ACACB: variants seen among roughly 807,000 people sequenced by gnomAD.
ACACB encodes acetyl-CoA carboxylase 2.
In ACACB, 209 loss-of-function variants were observed where a neutral mutation model predicts 278.8. The ratio of observed to expected loss-of-function variants is 0.75; its 90% confidence interval spans 0.67 to 0.84. ACACB has a LOEUF of 0.84. Among genes scored for constraint, ACACB ranks in the 40% least tolerant of loss-of-function variants. The pLI is 0.00. For missense variants in ACACB, 2,850 were observed against 3,269.0 expected (o/e 0.87, Z 3.13); for synonymous variants, 1,174 against 1,285.6 (o/e 0.91, Z 1.86).
At chr12:109,158,162 A>G (rs2043603738) in intron 2 of ACACB, among the ~76,000 whole-genome samples, 1 of 152,188 alleles carries the variant, frequency 6.6e-6, no homozygotes, top group African/African-American at 2.4e-5. Context: ...GCAGACTGCT[A>G]TTATAAACGG....
At chr12:109,129,210 G>A (rs540816878) in intron 1 of ACACB, among the ~76,000 whole-genome samples, 86 of 152,316 alleles carry the variant, frequency 5.6e-4, no homozygotes, top group Non-Finnish European at 3.2e-4. Context: ...CTTTTCTAGA[G>A]TTTGTGGACA....
intron 2 of ACACB, among the ~76,000 whole-genome samples, chr12:109,165,288 G>A (rs1292801962): frequency 3.9e-5 from 6 of 152,088 alleles, no homozygotes; most frequent in East Asian, 1.9e-4. Flanking sequence ...CAGTACCTAC[G>A]GAAGGAGAAC....
At chr12:109,223,053 A>G in intron 26 of ACACB, 141 bp downstream of exon 26, 3 of 714,594 alleles carry the variant, frequency 4.2e-6, no homozygotes. Context: ...AGTTCAGCCC[A>G]ATGTGGCCAG....
At chr12:109,158,693 G>C (rs142842455) in intron 2 of ACACB, among the ~76,000 whole-genome samples, 10 of 152,238 alleles carry the variant, frequency 6.6e-5, no homozygotes, top group African/African-American at 2.4e-4. Flanking sequence ...AACAAATAAG[G>C]CTGGGTGCGG....
intron 18 of ACACB, among the ~76,000 whole-genome samples, chr12:109,200,230 C>T (rs1162267835): frequency 6.6e-6 from 1 of 151,822 alleles, no homozygotes; most frequent in African/African-American, 2.4e-5. Context: ...GTCACCCGGG[C>T]TGGAGTGTAG....
At chr12:109,248,104 T>C (rs16940082) in intron 40 of ACACB, among the ~76,000 whole-genome samples, 4,153 of 152,296 alleles carry the variant, frequency 0.027, 185 homozygotes, top group African/African-American at 0.095. Flanking sequence ...GGACAAGTTA[T>C]GTTTTTCTCA....
At position 109,176,203 on chromosome 12, in the gene ACACB, C is replaced by T. The variant is rs772322096; in HGVS notation, c.1377C>T (p.Gly459=). The T allele has an allele frequency of 2.5e-6, 4 of 1,614,132 alleles. No individual in the cohort carries two copies. Among genetic ancestry groups the T allele is most frequent in the South Asian group, 1.1e-5 (1 of 91,084 alleles). ...FPLMIKASEG[G]GGKGIRKAES... ...TGATGATCAAAGCTTCTGAAGGTGG[C>T]GGAGGGAAGGGAATCCGGAAGGCTG... is the stretch of plus-strand genomic sequence containing the variant. The change falls in exon 9 of 53, where the codon GGC becomes GGT. Residue 459 remains glycine (G), a synonymous_variant. Coordinates refer to ENST00000338432, the MANE Select transcript of ACACB (RefSeq NM_001093.4).
intron 21 of ACACB, among the ~76,000 whole-genome samples, chr12:109,210,442 C>A (rs1371331501): frequency 8.4e-6 from 1 of 119,436 alleles, no homozygotes; most frequent in Non-Finnish European, 1.7e-5. Flanking sequence ...CACGCACATA[C>A]ATGTGTATAT....
chr12:109,124,008 A>G (rs1350474825), intron 1 of ACACB, among the ~76,000 whole-genome samples: 5 of 152,008 alleles, frequency 3.3e-5, no homozygotes, highest in East Asian at 1.9e-4. Context: ...TTTTCAAGCA[A>G]TTCTCACAGC....
At chr12:109,227,302 T>G (rs2046340831) in intron 27 of ACACB, 69 bp from the exon 28 acceptor site, 1 of 1,361,342 alleles carries the variant, frequency 7.3e-7, no homozygotes, top group African/African-American at 1.4e-5. Context: ...TCCCCGTGAG[T>G]GCCCTCAGCT....
At chr12:109,115,715 C>G (rs771727366), upstream of ACACB, among the ~76,000 whole-genome samples, 1 of 152,218 alleles carries the variant, frequency 6.6e-6, no homozygotes, top group Admixed American at 6.5e-5. Flanking sequence ...ATGACTGTTC[C>G]TTATTGCAAA....
chr12:109,229,437 G>GT (rs1044680875), intron 28 of ACACB, among the ~76,000 whole-genome samples: 1 of 152,152 alleles, frequency 6.6e-6, no homozygotes, highest in Non-Finnish European at 1.5e-5. Flanking sequence ...TCTGAGCCAG[G>GT]TGTGAGGGCA....
At chr12:109,127,437 A>C (rs12306788) in intron 1 of ACACB, among the ~76,000 whole-genome samples, 1 of 150,836 alleles carries the variant, frequency 6.6e-6, no homozygotes, top group Non-Finnish European at 1.5e-5. Context: ...AAAAAAACCC[A>C]AAAAACCAAA....
At chr12:109,190,764 A>T (rs2044847010) in intron 13 of ACACB, among the ~76,000 whole-genome samples, 1 of 151,728 alleles carries the variant, frequency 6.6e-6, no homozygotes, top group Non-Finnish European at 1.5e-5. Flanking sequence ...AGTAGCTGGG[A>T]CTACAGTCAC....
chr12:109,152,319 C>G (rs1294792582), intron 2 of ACACB, among the ~76,000 whole-genome samples: 1 of 152,096 alleles, frequency 6.6e-6, no homozygotes, highest in Non-Finnish European at 1.5e-5. Flanking sequence ...TACATTTACA[C>G]TGGGGATATT....
At chr12:109,179,339 G>A (rs903018410) in intron 10 of ACACB, 42 bp downstream of exon 10, 37 of 1,582,890 alleles carry the variant, frequency 2.3e-5, no homozygotes, top group Non-Finnish European at 2.8e-5. Context: ...AGAGAGAGCC[G>A]TCTCAGCTCA....
chr12:109,227,576 G>T, intron 28 of ACACB, 87 bp downstream of exon 28: 1 of 1,302,478 alleles, frequency 7.7e-7, no homozygotes, highest in Non-Finnish European at 1.1e-6. Context: ...CCTGGCAAGT[G>T]TGTTTGGGCA....
In ACACB at chr12:109,135,833, G is replaced by A. The variant is rs1407967458; in HGVS notation, c.-9-3564G>A. 8.0e-5 allele frequency among the ~76,000 whole-genome samples: 11 copies of A among 137,556 alleles called. No homozygotes were observed. The South Asian group carries it at 1.7e-3, about 22-fold the overall frequency. The allele number at this position is 137,556 out of a possible 152,430, so 90.2% of individuals were successfully genotyped here. ...CTTTTTTTTTTTTTTTTTTTGAGAC[G>A]GAGTCTTGCTCTGTCGCCCAGGCTG... is the stretch of plus-strand genomic sequence containing the variant. On this transcript the variant is annotated intron_variant, in intron 1 of 52. Coordinates refer to ENST00000338432, the MANE Select transcript of ACACB (RefSeq NM_001093.4).
intron 10 of ACACB, 37 bp from the exon 11 acceptor site, chr12:109,179,880 T>A (rs1200061513): frequency 6.3e-7 from 1 of 1,580,874 alleles, no homozygotes; most frequent in Non-Finnish European, 8.6e-7. Context: ...TGAAAAGACC[T>A]CTGGAACCCC....
Sources: gnomAD v4.1 joint callset for allele counts (sites outside exome capture counted in the v4.1 genomes callset) on GRCh38, gnomAD v4.1.1 for gene constraint, MANE v1.5 for transcripts, NCBI Gene and HGNC (gene_info 2026-07-23, HGNC 2026-07-21) for gene names.